Variants in PCLO observed in about 807,000 individuals in gnomAD.
The protein encoded by PCLO is protein piccolo.
PCLO carries 82 observed loss-of-function variants against 427.5 expected under a neutral mutation model. The ratio of observed to expected loss-of-function variants is 0.19; its 90% CI spans 0.16 to 0.23. The LOEUF is 0.23. Ranked by LOEUF, PCLO falls within the 10% of genes least tolerant of loss-of-function variation. PCLO has a pLI of 1.00. For missense variants in PCLO, 6,239 were observed against 6,115.9 expected (o/e 1.02, Z -0.67); for synonymous variants, 2,357 against 2,155.4 (o/e 1.09, Z -2.59).
chr7:82,812,246 G>A (rs1791588325), intron 20 of PCLO, among the ~76,000 whole-genome samples: 1 of 151,396 alleles, frequency 6.6e-6, no homozygotes, highest in Admixed American at 6.6e-5. Context: ...TAGATAATAA[G>A]ATCAATGATC....
chr7:82,831,763 C>T (rs1792098764), intron 16 of PCLO, among the ~76,000 whole-genome samples: 1 of 152,178 alleles, frequency 6.6e-6, no homozygotes, highest in South Asian at 2.1e-4. Context: ...TGCTCCTAAA[C>T]ACCAATGAAA....
Position 82,760,943 on chromosome 7 carries a change from C to CTTTTTTTTTT in PCLO, c.15143-169_15143-160dup, listed in dbSNP as rs767222339. Among the ~76,000 whole-genome samples, 28 of 60,394 alleles carry CTTTTTTTTTT rather than the reference C, an allele frequency of 4.6e-4. 4 individuals carry two copies. The highest frequency in any genetic ancestry group is 1.4e-3 in the African/African-American group (22 of 15,338). The allele number at this position is 60,394 out of a possible 152,430, so 39.6% of individuals were successfully genotyped here. A position where few individuals can be genotyped will look rare whatever the true frequency, so the allele number is the denominator to read the frequency against. On this transcript the variant is annotated intron_variant, in intron 23 of 24. Coordinates refer to ENST00000333891, the MANE Select transcript of PCLO (RefSeq NM_033026.6). The stretch of plus-strand genomic sequence containing the variant: ...AACATAAAATGATTAAAAGATATGT[C>CTTTTTTTTTT]TTTTTTTTTTTTTTTTTTTTTTTTT...
rs770805103 is a variant in PCLO, at chr7:82,951,501, G to A, written c.9098-11C>T. On this transcript the variant is annotated splice_polypyrimidine_tract_variant and intron_variant, in intron 5 of 24. Coordinates refer to ENST00000333891, the MANE Select transcript of PCLO (RefSeq NM_033026.6). ...AATCCATTACCTCACCTGAAATACA[G>A]GGCAGAGTTATAGTCCAGTTCCCAG... The A allele has an allele frequency of 1.4e-4, 210 of 1,528,200 alleles. No homozygotes were observed. The highest frequency in any genetic ancestry group is 1.8e-4 in the Non-Finnish European group (200 of 1,125,104). 94.7% of individuals were successfully genotyped at this position (1,528,200 alleles called of 1,614,324 possible).
At chr7:82,771,135 T>A (rs1247589860) in intron 22 of PCLO, among the ~76,000 whole-genome samples, 1 of 151,888 alleles carries the variant, frequency 6.6e-6, no homozygotes, top group Admixed American at 6.6e-5. Flanking sequence ...GATTGTAAGA[T>A]CTCCTAAGTT....
intron 3 of PCLO, among the ~76,000 whole-genome samples, chr7:83,129,423 A>T (rs1791517383): frequency 6.6e-6 from 1 of 152,176 alleles, no homozygotes; most frequent in Non-Finnish European, 1.5e-5. Flanking sequence ...AAGGCAAAGG[A>T]ACAATATTAC....
intron 3 of PCLO, among the ~76,000 whole-genome samples, chr7:83,035,668 C>A (rs1788776475): frequency 6.6e-6 from 1 of 152,020 alleles, no homozygotes; most frequent in African/African-American, 2.4e-5. Context: ...GAATTAAAAA[C>A]ATCTTTGACG....
intron 3 of PCLO, among the ~76,000 whole-genome samples, chr7:83,004,052 G>A (rs951975424): frequency 3.3e-5 from 5 of 151,552 alleles, no homozygotes; most frequent in African/African-American, 4.8e-5. Flanking sequence ...TAATTTCTAC[G>A]AAGTCATACA....
At chr7:82,807,951 G>C (rs1371270438) in intron 20 of PCLO, among the ~76,000 whole-genome samples, 2 of 151,900 alleles carry the variant, frequency 1.3e-5, no homozygotes, top group Admixed American at 6.6e-5. Flanking sequence ...AACCCAGATG[G>C]TGTAGTTAGT....
At chr7:83,113,737 C>A (rs1026832646) in intron 3 of PCLO, among the ~76,000 whole-genome samples, 6 of 151,900 alleles carry the variant, frequency 3.9e-5, no homozygotes, top group African/African-American at 1.5e-4. Flanking sequence ...TTTGTAAAAA[C>A]ACAATAAATT....
intron 20 of PCLO, among the ~76,000 whole-genome samples, chr7:82,809,400 A>G (rs1791520710): frequency 6.6e-6 from 1 of 151,648 alleles, no homozygotes; most frequent in Non-Finnish European, 1.5e-5. Flanking sequence ...TCTAAATTAA[A>G]GTTATCTGTA....
At chr7:83,160,957 GA>G (rs1361678412) in intron 1 of PCLO, among the ~76,000 whole-genome samples, 4 of 152,044 alleles carry the variant, frequency 2.6e-5, no homozygotes, top group Non-Finnish European at 4.4e-5. Flanking sequence ...TCAAGTAGAG[GA>G]AAACAGTACA....
At chr7:82,882,640 A>G (rs1488897199) in intron 9 of PCLO, among the ~76,000 whole-genome samples, 2 of 152,286 alleles carry the variant, frequency 1.3e-5, no homozygotes, top group South Asian at 2.1e-4. Context: ...AAACCTTCAA[A>G]GGTTGGGATA....
chr7:82,770,776 C>G lies in PCLO; in HGVS notation c.15008-9283G>C, dbSNP rs116548930. 9.6e-3 allele frequency among the ~76,000 whole-genome samples: 1,462 copies of G among 151,884 alleles called. 28 individuals are homozygous for G. The highest frequency in any genetic ancestry group is 0.033 in the African/African-American group (1,373 of 41,498). On this transcript the variant is annotated intron_variant, in intron 22 of 24. Transcript: ENST00000333891. ...AGAATTACCTATAATTAGTGCTTTTCTTTTCTGCATACTATATCCTCGAGT... is the reference window on the plus strand; with the variant it reads ...AGAATTACCTATAATTAGTGCTTTTGTTTTCTGCATACTATATCCTCGAGT...
At chr7:83,021,541 T>C (rs533544999) in intron 3 of PCLO, among the ~76,000 whole-genome samples, 2 of 152,284 alleles carry the variant, frequency 1.3e-5, no homozygotes, top group East Asian at 3.9e-4. Context: ...AAGTACACTG[T>C]TGTAACACAA....
At chr7:82,999,974 A>G (rs1252947017) in intron 3 of PCLO, among the ~76,000 whole-genome samples, 1 of 141,882 alleles carries the variant, frequency 7.0e-6, no homozygotes, top group Non-Finnish European at 1.5e-5. Context: ...AATTCCTCCA[A>G]ATTAATGTCA....
intron 22 of PCLO, among the ~76,000 whole-genome samples, chr7:82,768,126 T>A (rs1340230785): frequency 6.6e-6 from 1 of 152,054 alleles, no homozygotes; most frequent in Non-Finnish European, 1.5e-5. Flanking sequence ...AATTTAAAAT[T>A]AAAACATAGT....
chr7:82,759,211 A>G (rs1049256686), intron 24 of PCLO, among the ~76,000 whole-genome samples: 1 of 151,852 alleles, frequency 6.6e-6, no homozygotes, highest in Non-Finnish European at 1.5e-5. Flanking sequence ...TTCTGAAGTC[A>G]TATGCAGAAC....
chr7:82,988,612 T>G (rs1262027973), intron 3 of PCLO, among the ~76,000 whole-genome samples: 3 of 151,984 alleles, frequency 2.0e-5, no homozygotes, highest in Non-Finnish European at 2.9e-5. Context: ...GAGCTATCAT[T>G]GAATATAGTA....
chr7:82,899,350 T>A (rs989024517), intron 9 of PCLO, among the ~76,000 whole-genome samples: 1 of 151,516 alleles, frequency 6.6e-6, no homozygotes, highest in Non-Finnish European at 1.5e-5. Context: ...TGCCAGTTTC[T>A]CTGGCACTGG....
Sources: gnomAD v4.1 joint callset for allele counts (sites outside exome capture counted in the v4.1 genomes callset) on GRCh38, gnomAD v4.1.1 for gene constraint, MANE v1.5 for transcripts, NCBI Gene and HGNC (gene_info 2026-07-23, HGNC 2026-07-21) for gene names.